RAB39A: variants seen among roughly 807,000 people sequenced by gnomAD.
The protein encoded by RAB39A is ras-related protein Rab-39A.
RAB39A carries 17 observed loss-of-function variants against 20.9 expected under a neutral mutation model. That is an observed-to-expected ratio of 0.81 (90% CI 0.56 to 1.22). The LOEUF (loss-of-function observed/expected upper bound fraction) is 1.22, where lower values mean the gene tolerates loss of function less well. Ranked by LOEUF, RAB39A falls within the 50% of genes most tolerant of loss-of-function variation. The probability of loss-of-function intolerance (pLI) is 0.00; values close to 1 mark genes in which losing one functional copy is unlikely to be tolerated. For missense variants in RAB39A, 234 were observed against 270.5 expected, an observed-to-expected ratio of 0.87 and a Z score of 0.95; for synonymous variants, 99 against 103.4, an observed-to-expected ratio of 0.96 and a Z score of 0.26.
chr11:107,929,365 G>GT (rs1387830357), intron 1 of RAB39A, among the ~76,000 whole-genome samples: 1 of 152,220 alleles, frequency 6.6e-6, no homozygotes, highest in African/African-American at 2.4e-5. Flanking sequence ...GGTGGATGCG[G>GT]TAATGGTTTG....
intron 1 of RAB39A, among the ~76,000 whole-genome samples, chr11:107,947,352 C>T (rs1016581756): frequency 7.9e-5 from 12 of 152,044 alleles, no homozygotes; most frequent in Admixed American, 5.2e-4. Context: ...CGTGATTCAC[C>T]GACCTCAGCC....
chr11:107,946,361 CAT>C (rs1361644253), intron 1 of RAB39A, among the ~76,000 whole-genome samples: 22 of 129,604 alleles, frequency 1.7e-4, no homozygotes, highest in African/African-American at 5.8e-4. Context: ...TACACACACA[CAT>C]ATATATACAC....
chr11:107,955,604 C>T (rs183753593), intron 1 of RAB39A, among the ~76,000 whole-genome samples: 235 of 152,214 alleles, frequency 1.5e-3, no homozygotes, highest in African/African-American at 5.3e-3. Context: ...TTTGGGAGGC[C>T]GAGGCAGGCG....
chr11:107,930,162 G>A (rs188385396), intron 1 of RAB39A, among the ~76,000 whole-genome samples: 76 of 152,314 alleles, frequency 5.0e-4, no homozygotes, highest in Non-Finnish European at 7.3e-5. Context: ...GGTAAGGCCA[G>A]CGCTTCAGAG....
At chr11:107,933,327 G>A (rs1414840715) in intron 1 of RAB39A, among the ~76,000 whole-genome samples, 5 of 127,708 alleles carry the variant, frequency 3.9e-5, no homozygotes, top group South Asian at 2.4e-4. Context: ...GTGTGTGTGT[G>A]TGTGTGTGTG....
At chr11:107,934,261 C>G (rs750042298) in intron 1 of RAB39A, among the ~76,000 whole-genome samples, 58 of 151,998 alleles carry the variant, frequency 3.8e-4, no homozygotes, top group Non-Finnish European at 6.5e-4. Flanking sequence ...GACCCTGTCT[C>G]TAACCAAAAA....
At chr11:107,930,177 G>A (rs1028141511) in intron 1 of RAB39A, among the ~76,000 whole-genome samples, 2 of 152,186 alleles carry the variant, frequency 1.3e-5, no homozygotes, top group Non-Finnish European at 2.9e-5. Flanking sequence ...TCAGAGAGGT[G>A]TTAAAAGATT....
At chr11:107,947,364 C>T (rs745367341) in intron 1 of RAB39A, among the ~76,000 whole-genome samples, 2 of 152,104 alleles carry the variant, frequency 1.3e-5, no homozygotes, top group Non-Finnish European at 2.9e-5. Flanking sequence ...ACCTCAGCCT[C>T]CCAACATGCT....
intron 1 of RAB39A, among the ~76,000 whole-genome samples, chr11:107,951,734 C>T (rs1861382548): frequency 6.6e-6 from 1 of 151,260 alleles, no homozygotes. Flanking sequence ...ATCCTGCCAC[C>T]TCGGACTCCC....
Position 107,928,732 on chromosome 11 carries a change from A to C in RAB39A, c.164A>C (p.Glu55Ala), listed in dbSNP as rs1861108378. ...VGVDFFSRLL[E>A]IEPGKRIKLQ... Reference sequence around the variant, plus strand: ...GTGGACTTCTTCTCCCGCCTGCTGGAGATCGAGCCGGGCAAGAGGATCAAG... The same window carrying C: ...GTGGACTTCTTCTCCCGCCTGCTGGCGATCGAGCCGGGCAAGAGGATCAAG... Residue 55 changes from glutamate (E) to alanine (A), a missense_variant, in exon 1 of 2, where the codon GAG becomes GCG. Transcript: ENST00000320578. This position sits in a 1 kb window ranked among gnomAD's most constrained non-coding sequence, Gnocchi z 4.9. 6.2e-7 allele frequency: 1 copy of C among 1,609,256 alleles called. No individual in the cohort carries two copies. The highest frequency in any genetic ancestry group is 1.3e-5 in the African/African-American group (1 of 74,820).
chr11:107,955,127 G>T (rs1438222078), intron 1 of RAB39A, among the ~76,000 whole-genome samples: 1 of 150,960 alleles, frequency 6.6e-6, no homozygotes, highest in African/African-American at 2.4e-5. Context: ...CTCCCGAGGA[G>T]CTGGGACTAC....
chr11:107,952,938 G>A (rs2089172), intron 1 of RAB39A, among the ~76,000 whole-genome samples: 10 of 152,110 alleles, frequency 6.6e-5, no homozygotes, highest in Admixed American at 2.6e-4. Context: ...GACAAATACC[G>A]TATGATTCCA....
Position 107,960,200 on chromosome 11 carries a change from A to T in RAB39A, c.228-1746A>T, listed in dbSNP as rs1044729889. Among the ~76,000 whole-genome samples the T allele has an allele frequency of 7.7e-5, 11 of 142,426 alleles. No individual in the cohort carries two copies. In the South Asian group the frequency reaches 1.8e-3, roughly 23 times the overall value. The allele number at this position is 142,426 out of a possible 152,430, so 93.4% of individuals were successfully genotyped here. On this transcript the variant is annotated intron_variant, in intron 1 of 1. Transcript: ENST00000320578. ...ACTCCAGCCTGGGCGACAGAGCAAGACTCCATCTCAAAAAAAAAAAAAAAA... is the reference window on the plus strand; with the variant it reads ...ACTCCAGCCTGGGCGACAGAGCAAGTCTCCATCTCAAAAAAAAAAAAAAAA...
At chr11:107,955,191 G>A (rs1861421358) in intron 1 of RAB39A, among the ~76,000 whole-genome samples, 1 of 151,810 alleles carries the variant, frequency 6.6e-6, no homozygotes, top group East Asian at 2.0e-4. Context: ...TAGAGACGGG[G>A]TTTCACCATG....
intron 1 of RAB39A, among the ~76,000 whole-genome samples, chr11:107,955,066 G>A (rs1243653687): frequency 7.6e-6 from 1 of 131,836 alleles, no homozygotes; most frequent in Non-Finnish European, 1.5e-5. Flanking sequence ...GCCCGATCTC[G>A]GCTCACTGCA....
rs141459294 is a variant in RAB39A at position 107,940,274 on chromosome 11, AT to A, written c.227+11489del. 2.6e-3 allele frequency among the ~76,000 whole-genome samples: 384 copies of A among 149,586 alleles called. 1 individual carries two copies. Among genetic ancestry groups the A allele is most frequent in the African/African-American group, 8.7e-3 (354 of 40,764 alleles). On this transcript the variant is annotated intron_variant, in intron 1 of 1. Transcript: ENST00000320578. ...TATTTTTATTTTTATTATTATTATT[AT>A]TTTTTTTTTAGATGAGTCACATTCT...
Position 107,928,980 on chromosome 11 carries a change from C to A in RAB39A, c.227+185C>A, listed in dbSNP as rs2134942864. Among the ~76,000 whole-genome samples, 3 of 152,222 alleles carry A rather than the reference C, an allele frequency of 2.0e-5. 1 individual carries two copies. In the South Asian group the frequency reaches 6.2e-4, roughly 32 times the overall value. ...CTTCCAGGGACGACTTCCTCCTCCG[C>A]AATTTCTCACTTCTTTCTTTGGCGC... is the stretch of plus-strand genomic sequence containing the variant. On this transcript the variant is annotated intron_variant, in intron 1 of 1. Transcript: ENST00000320578. The surrounding 1 kb of genome is among the most constrained non-coding windows in gnomAD (Gnocchi z 4.9).
intron 1 of RAB39A, among the ~76,000 whole-genome samples, chr11:107,935,325 A>G (rs978470644): frequency 6.6e-6 from 1 of 151,802 alleles, no homozygotes; most frequent in African/African-American, 2.4e-5. Context: ...ATATGAGGAG[A>G]TGTGCTCTCT....
intron 1 of RAB39A, among the ~76,000 whole-genome samples, chr11:107,945,564 G>A (rs917390407): frequency 5.9e-5 from 9 of 152,056 alleles, no homozygotes; most frequent in African/African-American, 2.2e-4. Flanking sequence ...TGAGCTAATG[G>A]TAAAAAAAAT....
Sources: allele counts gnomAD v4.1 joint callset (sites outside exome capture counted in the v4.1 genomes callset), GRCh38; gene constraint gnomAD v4.1.1; non-coding constraint Gnocchi (gnomAD v3.1); transcripts MANE v1.5; gene names NCBI Gene and HGNC (gene_info 2026-07-23, HGNC 2026-07-21).